TSC22D1: variants seen among roughly 807,000 people sequenced by gnomAD.
The protein encoded by TSC22D1 is TSC22 domain family member 1.
TSC22D1 carries 9 observed loss-of-function variants against 74.2 expected under a neutral mutation model. The ratio of observed to expected loss-of-function variants is 0.12; its 90% CI spans 0.07 to 0.21. The LOEUF is 0.21. TSC22D1 is among the 10% of genes least tolerant of loss of function. TSC22D1 has a pLI of 1.00. For synonymous variants in TSC22D1, 586 were observed against 492.5 expected (o/e 1.19, Z -2.51); for missense variants, 1,427 against 1,304.7 (o/e 1.09, Z -1.44).
At chr13:44,500,563 T>A (rs1879180193) in intron 1 of TSC22D1, among the ~76,000 whole-genome samples, 1 of 152,212 alleles carries the variant, frequency 6.6e-6, no homozygotes, top group African/African-American at 2.4e-5. Context: ...AACCAAGCAG[T>A]TAAGCTTCCT....
At chr13:44,451,772 CA>C (rs1314499458) in intron 1 of TSC22D1, among the ~76,000 whole-genome samples, 1 of 152,220 alleles carries the variant, frequency 6.6e-6, no homozygotes, top group Non-Finnish European at 1.5e-5. Context: ...CATATCATGT[CA>C]GGGGCTGAGC....
intron 1 of TSC22D1, among the ~76,000 whole-genome samples, chr13:44,477,801 C>T (rs898771916): frequency 6.6e-5 from 10 of 152,068 alleles, no homozygotes; most frequent in African/African-American, 2.4e-4. Flanking sequence ...TGCCACCACG[C>T]CTGGCTAATT....
intron 1 of TSC22D1, among the ~76,000 whole-genome samples, chr13:44,476,464 G>T (rs1347793942): frequency 6.6e-6 from 1 of 151,916 alleles, no homozygotes. Context: ...TACAAAAACA[G>T]GGATGATGTG....
At chr13:44,520,923 G>A (rs893949877) in intron 1 of TSC22D1, among the ~76,000 whole-genome samples, 1 of 152,182 alleles carries the variant, frequency 6.6e-6, no homozygotes. Context: ...CATAGTAAAT[G>A]CTTTACATAT....
intron 1 of TSC22D1, among the ~76,000 whole-genome samples, chr13:44,477,144 G>A (rs1595105441): frequency 6.6e-6 from 1 of 152,126 alleles, no homozygotes; most frequent in African/African-American, 2.4e-5. Context: ...GTAGAGACGG[G>A]GTTTCACCAT....
intron 1 of TSC22D1, among the ~76,000 whole-genome samples, chr13:44,451,036 G>A (rs1420770090): frequency 1.3e-5 from 2 of 152,212 alleles, no homozygotes; most frequent in South Asian, 4.1e-4. Context: ...TACCCAACAA[G>A]GAGACCAAGA....
chr13:44,557,402 G>C (rs976172382), intron 1 of TSC22D1, among the ~76,000 whole-genome samples: 1 of 152,150 alleles, frequency 6.6e-6, no homozygotes, highest in Non-Finnish European at 1.5e-5. Flanking sequence ...TGGAGGTTGC[G>C]GTGAGCTGAG....
intron 1 of TSC22D1, among the ~76,000 whole-genome samples, chr13:44,459,621 C>A (rs1327924126): frequency 6.6e-6 from 1 of 152,192 alleles, no homozygotes; most frequent in Admixed American, 6.5e-5. Context: ...AGAAGAGCTG[C>A]AGCCCTTCAG....
intron 1 of TSC22D1, among the ~76,000 whole-genome samples, chr13:44,526,138 G>T (rs1880536794): frequency 1.3e-5 from 2 of 152,136 alleles, no homozygotes; most frequent in Middle Eastern, 3.4e-3. Context: ...AACACCATTA[G>T]ACATGCTAAA....
chr13:44,551,061 T>C (rs189642306), intron 1 of TSC22D1, among the ~76,000 whole-genome samples: 36 of 151,808 alleles, frequency 2.4e-4, no homozygotes, highest in South Asian at 1.0e-3. Flanking sequence ...TGAGCTGTGA[T>C]TGCACCACTG....
At chr13:44,452,068 G>A (rs747737362) in intron 1 of TSC22D1, among the ~76,000 whole-genome samples, 2 of 152,212 alleles carry the variant, frequency 1.3e-5, no homozygotes, top group Non-Finnish European at 2.9e-5. Flanking sequence ...AATTGCTAGA[G>A]ACACAAGCTT....
At chr13:44,532,831 T>C (rs1205798746) in intron 1 of TSC22D1, among the ~76,000 whole-genome samples, 1 of 152,044 alleles carries the variant, frequency 6.6e-6, no homozygotes, top group Non-Finnish European at 1.5e-5. Flanking sequence ...GGTAAGAATA[T>C]GGGGATACTT....
intron 1 of TSC22D1, among the ~76,000 whole-genome samples, chr13:44,469,504 T>C (rs995512384): frequency 2.0e-5 from 3 of 152,182 alleles, no homozygotes; most frequent in Admixed American, 1.3e-4. Context: ...CAAATTAAGC[T>C]CTTGCATCTG....
chr13:44,491,899 T>C (rs1878745623), intron 1 of TSC22D1, among the ~76,000 whole-genome samples: 1 of 152,228 alleles, frequency 6.6e-6, no homozygotes, highest in Non-Finnish European at 1.5e-5. Flanking sequence ...AAGCTGAACA[T>C]GTATATCTTC....
chr13:44,483,125 T>C (rs1179387860), intron 1 of TSC22D1, among the ~76,000 whole-genome samples: 5 of 152,246 alleles, frequency 3.3e-5, no homozygotes, highest in African/African-American at 1.2e-4. Context: ...CACTTAATAA[T>C]GTACGATGCA....
Position 44,435,032 on chromosome 13 carries a change from T to C in TSC22D1, c.2965-149A>G, listed in dbSNP as rs973015289. The C allele has an allele frequency of 1.2e-4, 82 of 686,582 alleles. 2 individuals are homozygous for C. Among genetic ancestry groups the C allele is most frequent in the Non-Finnish European group, 3.0e-5 (12 of 395,490 alleles). The allele number at this position is 686,582 out of a possible 1,614,324, so 42.5% of individuals were successfully genotyped here. A position where few individuals can be genotyped will look rare whatever the true frequency, so the allele number is the denominator to read the frequency against. ...TCAATGACACTTGGGGAAATCTGAA[T>C]ACAAACATGACTGTACAATACTTGA... On this transcript the variant is annotated intron_variant, in intron 2 of 2. Transcript: ENST00000458659.
intron 1 of TSC22D1, among the ~76,000 whole-genome samples, chr13:44,490,727 G>A (rs943200648): frequency 3.3e-5 from 5 of 151,692 alleles, no homozygotes; most frequent in African/African-American, 9.7e-5. Context: ...GAGAAACCCC[G>A]TCTCTACTAA....
chr13:44,527,582 A>G (rs1238331019), intron 1 of TSC22D1, among the ~76,000 whole-genome samples: 5 of 152,186 alleles, frequency 3.3e-5, no homozygotes, highest in East Asian at 1.9e-4. Flanking sequence ...TGTTCAACTA[A>G]TAACAGAGAA....
chr13:44,505,994 A>C (rs1372186009), intron 1 of TSC22D1, among the ~76,000 whole-genome samples: 1 of 152,208 alleles, frequency 6.6e-6, no homozygotes, highest in Non-Finnish European at 1.5e-5. Context: ...TGAGACTCAG[A>C]GAGGTTAAGT....
Sources: gnomAD v4.1 joint callset for allele counts (sites outside exome capture counted in the v4.1 genomes callset) on GRCh38, gnomAD v4.1.1 for gene constraint, MANE v1.5 for transcripts, NCBI Gene and HGNC (gene_info 2026-07-23, HGNC 2026-07-21) for gene names.